The following TANGO6 variants were observed in gnomAD, a reference collection of about 807,000 sequenced individuals.
TANGO6 encodes the protein transport and Golgi organization protein 6 homolog.
TANGO6 carries 90 observed loss-of-function variants against 114.2 expected under a neutral mutation model. That is an observed-to-expected ratio of 0.79 (90% CI 0.66 to 0.94). The LOEUF (loss-of-function observed/expected upper bound fraction) is 0.94. Among genes scored for constraint, TANGO6 ranks in the 40% least tolerant of loss-of-function variants. The probability of loss-of-function intolerance (pLI) is 0.00; values close to 1 mark genes in which losing one functional copy is unlikely to be tolerated. For synonymous variants in TANGO6, 477 were observed against 509.8 expected, an observed-to-expected ratio of 0.94 and a Z score of 0.87; for missense variants, 1,274 against 1,315.3, an observed-to-expected ratio of 0.97 and a Z score of 0.49.
intron 15 of TANGO6, among the ~76,000 whole-genome samples, chr16:68,982,147 G>A (rs1963841835): frequency 6.6e-6 from 1 of 152,114 alleles, no homozygotes; most frequent in African/African-American, 2.4e-5. Context: ...GAAACACCTT[G>A]TTCTAGAACC....
chr16:68,947,197 C>G (rs1162192128), intron 14 of TANGO6, among the ~76,000 whole-genome samples: 2 of 152,140 alleles, frequency 1.3e-5, no homozygotes, highest in African/African-American at 2.4e-5. Flanking sequence ...GTGGCTCACG[C>G]CTGTAATCCC....
At chr16:68,956,413 C>CT (rs758903956) in intron 14 of TANGO6, among the ~76,000 whole-genome samples, 5 of 152,142 alleles carry the variant, frequency 3.3e-5, no homozygotes, top group Non-Finnish European at 7.3e-5. Flanking sequence ...AAGTAGGAGT[C>CT]TAACAGAAGG....
chr16:68,928,142 A>G (rs1963194369), intron 13 of TANGO6, 59 bp downstream of exon 13: 3 of 1,474,444 alleles, frequency 2.0e-6, no homozygotes, highest in African/African-American at 1.4e-5. Flanking sequence ...ATTCAACTCA[A>G]GTATTTTTGG....
intron 2 of TANGO6, among the ~76,000 whole-genome samples, chr16:68,861,351 G>A (rs117024210): frequency 6.6e-4 from 101 of 152,266 alleles, no homozygotes; most frequent in Non-Finnish European, 1.2e-3. Context: ...TCTGTCACCC[G>A]CCTGTGTCAT....
At chr16:69,078,760 G>A (rs1960424164) in intron 17 of TANGO6, among the ~76,000 whole-genome samples, 1 of 151,610 alleles carries the variant, frequency 6.6e-6, no homozygotes, top group Non-Finnish European at 1.5e-5. Context: ...TTTATTTTTT[G>A]AGACAGAGTC....
chr16:68,957,111 T>A (rs1004669732), intron 14 of TANGO6, among the ~76,000 whole-genome samples: 9 of 152,080 alleles, frequency 5.9e-5, no homozygotes, highest in Non-Finnish European at 1.2e-4. Context: ...AATTTTTAAA[T>A]TTTTTAATAA....
chr16:69,082,686 A>T (rs1446135754), intron 17 of TANGO6, among the ~76,000 whole-genome samples: 1 of 151,900 alleles, frequency 6.6e-6, no homozygotes, highest in Non-Finnish European at 1.5e-5. Context: ...CAGAGGTTAC[A>T]GTGAGCCGAG....
In TANGO6 at chr16:69,063,643, CAAAAAAAAAAAAA is replaced by C. The variant is rs770332921; in HGVS notation, c.3109-19827_3109-19815del. Among the ~76,000 whole-genome samples, 90 of 35,786 alleles carry C rather than the reference CAAAAAAAAAAAAA, an allele frequency of 2.5e-3. 5 individuals carry two copies. The highest frequency in any genetic ancestry group is 2.7e-3 in the East Asian group (2 of 744). 23.5% of individuals were successfully genotyped at this position (35,786 alleles called of 152,430 possible). ...AAAGGCTGCGGTGAGACTCCATCTC[CAAAAAAAAAAAAA>C]AAAAAAAAAAAAAACAAAGTTCTTT... On this transcript the variant is annotated intron_variant, in intron 17 of 17. Coordinates refer to ENST00000261778, the MANE Select transcript of TANGO6 (RefSeq NM_024562.2).
In TANGO6 at chr16:69,075,460, T is replaced by A. The variant is rs147005499; in HGVS notation, c.3109-8025T>A. Among the ~76,000 whole-genome samples, 1,013 of 151,804 alleles carry A rather than the reference T, an allele frequency of 6.7e-3. 8 individuals are homozygous for A. Among genetic ancestry groups the A allele is most frequent in the African/African-American group, 0.024 (981 of 41,452 alleles). On this transcript the variant is annotated intron_variant, in intron 17 of 17. Transcript: ENST00000261778. ...ACAACACGAATTCAACTTTTATTTT[T>A]TTTTTTTTTTTGAGACAGGGTCTCA...
chr16:68,883,152 A>G (rs1370816978), intron 7 of TANGO6, among the ~76,000 whole-genome samples: 2 of 152,184 alleles, frequency 1.3e-5, no homozygotes, highest in African/African-American at 4.8e-5. Flanking sequence ...AGCTGAGATC[A>G]CATCACTGCA....
At chr16:68,907,651 T>C in intron 10 of TANGO6, 76 bp downstream of exon 10, 1 of 1,457,194 alleles carries the variant, frequency 6.9e-7, no homozygotes, top group Non-Finnish European at 9.1e-7. Context: ...TTCAAAGCAT[T>C]TATAATTTTA....
chr16:68,913,504 G>T (rs566213421), intron 11 of TANGO6, among the ~76,000 whole-genome samples: 1 of 150,332 alleles, frequency 6.7e-6, no homozygotes, highest in African/African-American at 2.4e-5. Flanking sequence ...TGCCTCCCGG[G>T]TTGAAGCGAT....
intron 14 of TANGO6, chr16:68,972,974 CA>C: frequency 3.1e-6 from 1 of 325,930 alleles, no homozygotes; most frequent in South Asian, 2.5e-5. Context: ...GGCCAGGAAG[CA>C]AGGGAGAGTG....
intron 17 of TANGO6, among the ~76,000 whole-genome samples, chr16:69,065,834 T>C (rs1273478234): frequency 1.3e-5 from 2 of 152,236 alleles, no homozygotes; most frequent in African/African-American, 4.8e-5. Flanking sequence ...TTCTTTTTCA[T>C]AGACCCATCA....
chr16:69,047,197 A>G (rs1243599970), intron 17 of TANGO6, among the ~76,000 whole-genome samples: 13 of 133,184 alleles, frequency 9.8e-5, no homozygotes, highest in African/African-American at 3.4e-4. Context: ...AAAAAAAAAA[A>G]GAGTGATTTT....
intron 15 of TANGO6, among the ~76,000 whole-genome samples, chr16:68,996,748 T>C (rs1048904562): frequency 1.3e-5 from 2 of 152,244 alleles, no homozygotes; most frequent in African/African-American, 2.4e-5. Flanking sequence ...GACCATTTTA[T>C]GCTTTTACCT....
At chr16:69,073,530 A>G (rs1960326698) in intron 17 of TANGO6, among the ~76,000 whole-genome samples, 1 of 152,220 alleles carries the variant, frequency 6.6e-6, no homozygotes, top group South Asian at 2.1e-4. Context: ...AGAGGCCCAT[A>G]GTACTGATTA....
At chr16:69,021,541 G>A (rs898236144) in intron 15 of TANGO6, among the ~76,000 whole-genome samples, 22 of 152,244 alleles carry the variant, frequency 1.4e-4, no homozygotes, top group African/African-American at 5.3e-4. Flanking sequence ...AGCCACAGAA[G>A]GGCAGGAATC....
chr16:68,980,942 C>T (rs1297201020), intron 15 of TANGO6, among the ~76,000 whole-genome samples: 6 of 151,850 alleles, frequency 4.0e-5, no homozygotes, highest in Non-Finnish European at 5.9e-5. Context: ...TGCAATGAGC[C>T]GAGATCACGC....
Sources: allele counts gnomAD v4.1 joint callset (sites outside exome capture counted in the v4.1 genomes callset), GRCh38; gene constraint gnomAD v4.1.1; transcripts MANE v1.5; gene names NCBI Gene and HGNC (gene_info 2026-07-23, HGNC 2026-07-21).